Variants in ADCK5 observed in about 807,000 individuals in gnomAD.
The protein encoded by ADCK5 is aarF domain containing kinase 5, also known as uncharacterized aarF domain-containing protein kinase 5.
In ADCK5, 43 loss-of-function variants were observed where a neutral mutation model predicts 64.9. That is an observed-to-expected ratio of 0.66 (90% CI 0.52 to 0.85). ADCK5 has a LOEUF of 0.85. Ranked by LOEUF, ADCK5 falls within the 40% of genes least tolerant of loss-of-function variation. ADCK5 has a pLI of 0.00. For synonymous variants in ADCK5, 434 were observed against 342.8 expected, an observed-to-expected ratio of 1.27 and a Z score of -2.94; for missense variants, 760 against 810.5, an observed-to-expected ratio of 0.94 and a Z score of 0.76.
At chr8:144,383,736 G>T (rs575774508) in intron 3 of ADCK5, among the ~76,000 whole-genome samples, 1 of 152,148 alleles carries the variant, frequency 6.6e-6, no homozygotes, top group Non-Finnish European at 1.5e-5. Flanking sequence ...AAGAACTCAG[G>T]GGGAGGGTGA....
Position 144,390,695 on chromosome 8 carries a change from C to T in ADCK5, c.291C>T (p.Ile97=). ...GGTCTCTGAAGGTCGGCCTGCAGAT[C>T]TCCCTGGACTACTGGTGGTGCACCA... is the stretch of plus-strand genomic sequence containing the variant. ...FGRSLKVGLQ[I]SLDYWWCTNV... is the part of the protein sequence containing the mutation. Residue 97 remains isoleucine (I), a synonymous_variant, in exon 4 of 15, where the codon ATC becomes ATT. Coordinates refer to ENST00000308860, the MANE Select transcript of ADCK5 (RefSeq NM_174922.5). 6.2e-7 allele frequency: 1 copy of T among 1,613,812 alleles called. No homozygotes were observed. The highest frequency in any genetic ancestry group is 2.2e-5 in the East Asian group (1 of 44,880).
At chr8:144,378,477 C>T (rs12548842) in intron 1 of ADCK5, among the ~76,000 whole-genome samples, 53,759 of 151,852 alleles carry the variant, frequency 0.35, 10,222 homozygotes, top group East Asian at 0.65. Context: ...TCCGCCCCCC[C>T]CACTGCTTCA....
intron 4 of ADCK5, 45 bp downstream of exon 4, chr8:144,390,791 T>G (rs782541590): frequency 1.9e-6 from 3 of 1,608,642 alleles, no homozygotes; most frequent in Admixed American, 1.7e-5. Flanking sequence ...CATGAGGTGG[T>G]GGGCTGGGTG....
At chr8:144,381,357 A>C (rs1819625745) in intron 2 of ADCK5, among the ~76,000 whole-genome samples, 1 of 148,984 alleles carries the variant, frequency 6.7e-6, no homozygotes, top group Admixed American at 6.7e-5. Flanking sequence ...TCCCGCAGTC[A>C]GAATTATGGG....
chr8:144,386,951 C>T (rs1819949802), intron 3 of ADCK5, among the ~76,000 whole-genome samples: 1 of 152,196 alleles, frequency 6.6e-6, no homozygotes, highest in Non-Finnish European at 1.5e-5. Context: ...GATTGGACAC[C>T]TTTGAAGATT....
Position 144,374,218 on chromosome 8 carries a change from C to G in ADCK5, c.12+111C>G, listed in dbSNP as rs1050268965. 1.2e-5 allele frequency: 13 copies of G among 1,054,684 alleles called. No homozygotes were observed. The African/African-American group carries it at 1.8e-4, about 15-fold the overall frequency. The allele number at this position is 1,054,684 out of a possible 1,614,324, so 65.3% of individuals were successfully genotyped here. On this transcript the variant is annotated intron_variant, in intron 1 of 14. Coordinates refer to ENST00000308860, the MANE Select transcript of ADCK5 (RefSeq NM_174922.5). ...TAGAGACCCTCGGGGCTTTTTCCCT[C>G]TTTTTTTTTGAGGCAGGGTCTCGCT... is the stretch of plus-strand genomic sequence containing the variant.
Position 144,389,157 on chromosome 8 carries a change from C to T in ADCK5, c.267-1514C>T, listed in dbSNP as rs575847456. On this transcript the variant is annotated intron_variant, in intron 3 of 14. Transcript: ENST00000308860. ...TGGGGCCAGGCCTGGGGACACCCCT[C>T]TACCCCATCCTCTTGCCTAAATCTC... The T allele has an allele frequency of 2.8e-4, 119 of 424,062 alleles. 2 individuals are homozygous for T. Among genetic ancestry groups the T allele is most frequent in the South Asian group, 2.0e-3 (118 of 58,414 alleles). The allele number at this position is 424,062 out of a possible 1,614,324, so 26.3% of individuals were successfully genotyped here.
rs1481863673 is a variant in ADCK5, at chr8:144,391,676, G to A, written c.895G>A (p.Val299Met). The A allele has an allele frequency of 1.4e-5, 22 of 1,541,834 alleles. No individual in the cohort carries two copies. Among genetic ancestry groups the A allele is most frequent in the East Asian group, 2.4e-5 (1 of 41,124 alleles). The change falls in exon 8 of 15, where the codon GTG becomes ATG. Residue 299 changes from valine to methionine, a missense_variant. This residue lies in a region of ADCK5 where 427 missense variants were observed against 518.4 expected (regional missense o/e 0.82). Coordinates refer to ENST00000308860, the MANE Select transcript of ADCK5 (RefSeq NM_174922.5). ...ARELAHFPYV[V>M]VPRVHWDKSS... ...GGAGCTGGCGCACTTCCCCTACGTC[G>A]TGGTGCCCCGCGTGCACTGGGACAA...
chr8:144,386,316 T>G (rs529768613), intron 3 of ADCK5, among the ~76,000 whole-genome samples: 2 of 151,884 alleles, frequency 1.3e-5, no homozygotes, highest in South Asian at 4.2e-4. Context: ...CTGAACTAAA[T>G]TTAACTTTTT....
chr8:144,381,134 T>C (rs2116846755), intron 2 of ADCK5, among the ~76,000 whole-genome samples: 112 of 84,272 alleles, frequency 1.3e-3, no homozygotes, highest in African/African-American at 4.1e-3. Context: ...AGGCACCTGC[T>C]GCACTAAGGA....
chr8:144,384,492 C>T lies in ADCK5; in HGVS notation c.266+1262C>T, dbSNP rs1161186347. On this transcript the variant is annotated intron_variant, in intron 3 of 14. Transcript: ENST00000308860. The surrounding 1 kb of genome is among the most constrained non-coding windows in gnomAD (Gnocchi z 5.7). The stretch of plus-strand genomic sequence containing the variant: ...CTGGCATCTGGTTTTGCTTGGAGTT[C>T]CTGCTGTCCCTGCCTGCAGATTTTG... 6.6e-6 allele frequency among the ~76,000 whole-genome samples: 1 copy of T among 152,190 alleles called. No individual in the cohort carries two copies.
At chr8:144,380,786 G>A (rs797024939) in intron 2 of ADCK5, among the ~76,000 whole-genome samples, 32 of 99,430 alleles carry the variant, frequency 3.2e-4, no homozygotes, top group South Asian at 7.5e-4. Flanking sequence ...GGGTGTAGAA[G>A]CAGATGTGTG....
chr8:144,381,812 A>G (rs1165771367), intron 2 of ADCK5, among the ~76,000 whole-genome samples: 23 of 72,256 alleles, frequency 3.2e-4, no homozygotes, highest in African/African-American at 1.2e-3. Context: ...GGGTGTAGAA[A>G]CAGATGTGTG....
rs184183101 is a variant in ADCK5, at chr8:144,379,133, A to G, written c.13-254A>G. Among the ~76,000 whole-genome samples the G allele has an allele frequency of 3.1e-3, 476 of 152,110 alleles. 2 individuals carry two copies. Among genetic ancestry groups the G allele is most frequent in the Non-Finnish European group, 4.1e-3 (277 of 67,972 alleles). Reference sequence around the variant, plus strand: ...TTTTTAGTAGAGACGGGGTTTCACCATGTTGATCAGGCTGGTCTCAAACTC... The same window carrying G: ...TTTTTAGTAGAGACGGGGTTTCACCGTGTTGATCAGGCTGGTCTCAAACTC... On this transcript the variant is annotated intron_variant, in intron 1 of 14. Transcript: ENST00000308860.
At chr8:144,383,390 C>A (rs1819768006) in intron 3 of ADCK5, among the ~76,000 whole-genome samples, 160 bp downstream of exon 3, 1 of 152,204 alleles carries the variant, frequency 6.6e-6, no homozygotes, top group Admixed American at 6.5e-5. Flanking sequence ...GGCGTCCTTT[C>A]CTACATGGGA....
rs781790317 is a variant in ADCK5 at position 144,390,671 on chromosome 8, G to A, written c.267G>A (p.Arg89=). The A allele has an allele frequency of 1.2e-6, 2 of 1,613,454 alleles. No individual in the cohort carries two copies. The highest frequency in any genetic ancestry group is 2.2e-5 in the East Asian group (1 of 44,880). Residue 89 remains arginine, a splice_region_variant and synonymous_variant, in exon 4 of 15, where the codon AGG becomes AGA. Coordinates refer to ENST00000308860, the MANE Select transcript of ADCK5 (RefSeq NM_174922.5). ...LVVDGMGRFG[R]SLKVGLQISL... Reference sequence around the variant, plus strand: ...AGACTGAGGCCACCTCTGCCCGCAGGTCTCTGAAGGTCGGCCTGCAGATCT... The same window carrying A: ...AGACTGAGGCCACCTCTGCCCGCAGATCTCTGAAGGTCGGCCTGCAGATCT...
At position 144,392,259 on chromosome 8, in the gene ADCK5, G is replaced by C; in HGVS notation, c.1181G>C (p.Arg394Pro). 1 of 1,532,250 alleles carries C rather than the reference G, an allele frequency of 6.5e-7. No individual in the cohort carries two copies. Among genetic ancestry groups the C allele is most frequent in the Non-Finnish European group, 8.8e-7 (1 of 1,142,842 alleles). 94.9% of individuals were successfully genotyped at this position (1,532,250 alleles called of 1,614,324 possible). ...GLYQFLEEKD[R>P]AALCQLWRAI... ...GCGGGCCCATCCACACCCAGGGACC[G>C]CGCAGCCCTCTGCCAGCTGTGGCGG... The change falls in exon 12 of 15, where the codon CGC becomes CCC. Residue 394 changes from arginine (R) to proline (P), a missense_variant. This residue lies in a region of ADCK5 where 333 missense variants were observed against 292.0 expected (regional missense o/e 1.14). Transcript: ENST00000308860.
rs1029596137 is a variant in ADCK5, at chr8:144,376,239, G to T, written c.12+2132G>T. Among the ~76,000 whole-genome samples, 4 of 152,180 alleles carry T rather than the reference G, an allele frequency of 2.6e-5. No individual in the cohort carries two copies. The highest frequency in any genetic ancestry group is 6.5e-5 in the Admixed American group (1 of 15,274). On this transcript the variant is annotated intron_variant, in intron 1 of 14. Transcript: ENST00000308860. This position sits in a 1 kb window ranked among gnomAD's most constrained non-coding sequence, Gnocchi z 5.1. ...TGAGTCCTGTGCTTCACAGCTGTTG[G>T]TCTCATTCGGCAGGCATTCATTGAG... is the stretch of plus-strand genomic sequence containing the variant.
At chr8:144,374,020 G>C (rs1819259166), upstream of ADCK5, 15 of 1,238,054 alleles carry the variant, frequency 1.2e-5, no homozygotes, top group Non-Finnish European at 1.5e-5. Context: ...CGCACTACGC[G>C]CCCTCCCGCA....
Sources: allele counts gnomAD v4.1 joint callset (sites outside exome capture counted in the v4.1 genomes callset), GRCh38; gene constraint gnomAD v4.1.1; regional missense constraint gnomAD v4.1.1; non-coding constraint Gnocchi (gnomAD v3.1); transcripts MANE v1.5; gene names NCBI Gene and HGNC (gene_info 2026-07-23, HGNC 2026-07-21).